Variants in PPDPFL observed in about 807,000 individuals in gnomAD.
The protein encoded by PPDPFL is pancreatic progenitor cell differentiation and proliferation factor-like protein.
In PPDPFL, 12 loss-of-function variants were observed where a neutral mutation model predicts 12.6. The observed-to-expected ratio is 0.95, with a 90% CI of 0.61 to 1.54. The LOEUF (loss-of-function observed/expected upper bound fraction) is 1.54, where lower values mean the gene tolerates loss of function less well. PPDPFL is among the 40% of genes most tolerant of loss of function. PPDPFL has a pLI of 0.00. For synonymous variants in PPDPFL, 24 were observed against 32.7 expected (o/e 0.73, Z 0.91); for missense variants, 114 against 96.0 (o/e 1.19, Z -0.78).
rs1293810239 is a variant in PPDPFL, at chr8:49,059,513, T to G, written c.-45+5144T>G. Among the ~76,000 whole-genome samples the G allele has an allele frequency of 2.0e-5, 3 of 152,360 alleles. No individual in the cohort carries two copies. The South Asian group carries it at 6.2e-4, about 32-fold the overall frequency. On this transcript the variant is annotated intron_variant, in intron 1 of 4. Transcript: ENST00000517663. ...GATGCAAAGGTAGAAGACTGACTTA[T>G]TTTGAGGCAATTCTGTCTTTGGCAA...
upstream of PPDPFL, among the ~76,000 whole-genome samples, chr8:49,072,034 G>C (rs1373524433): frequency 6.6e-6 from 1 of 152,240 alleles, no homozygotes; most frequent in Non-Finnish European, 1.5e-5. Context: ...CAGGTGGAGT[G>C]TGTGATTGTA....
At chr8:49,059,789 C>T (rs577350684) in intron 1 of PPDPFL, among the ~76,000 whole-genome samples, 5 of 152,288 alleles carry the variant, frequency 3.3e-5, no homozygotes, top group African/African-American at 1.2e-4. Flanking sequence ...AACTATCTTA[C>T]TATGTTATAA....
At chr8:49,073,908 G>A (rs1179145655) in intron 2 of PPDPFL, 151 bp from the exon 3 acceptor site, 1 of 613,630 alleles carries the variant, frequency 1.6e-6, no homozygotes, top group Non-Finnish European at 2.9e-6. Flanking sequence ...TCTATTGATT[G>A]GTAATTTGAT....
chr8:49,074,338 G>A lies in PPDPFL; in HGVS notation c.233+5G>A, dbSNP rs1427899507. ...AAAAGATCTGTCTGCTACTGGGTGA[G>A]TTTTAGCCTTCTCTGGTAAGGGCAG... is the stretch of plus-strand genomic sequence containing the variant. On this transcript the variant is annotated splice_donor_5th_base_variant and intron_variant, in intron 4 of 4. Coordinates refer to ENST00000522267, the MANE Select transcript of PPDPFL (RefSeq NM_001256597.2). 1 of 1,612,968 alleles carries A rather than the reference G, an allele frequency of 6.2e-7. No individual in the cohort carries two copies. Among genetic ancestry groups the A allele is most frequent in the Non-Finnish European group, 8.5e-7 (1 of 1,179,072 alleles).
In PPDPFL at chr8:49,062,858, C is replaced by T. The variant is rs185123779; in HGVS notation, c.-45+8489C>T. Among the ~76,000 whole-genome samples the T allele has an allele frequency of 1.8e-4, 27 of 152,298 alleles. No individual in the cohort carries two copies. The East Asian group carries it at 4.8e-3, about 27-fold the overall frequency. On this transcript the variant is annotated intron_variant, in intron 1 of 4. Coordinates refer to the PPDPFL transcript ENST00000517663. ...AGCTAGATCAAAAAATATTCATGATCTCTGGCCTGGTTTCTGGATCTTATT... is the reference window on the plus strand; with the variant it reads ...AGCTAGATCAAAAAATATTCATGATTTCTGGCCTGGTTTCTGGATCTTATT...
upstream of PPDPFL, among the ~76,000 whole-genome samples, chr8:49,071,131 T>C (rs1184967803): frequency 6.6e-6 from 1 of 152,232 alleles, no homozygotes; most frequent in African/African-American, 2.4e-5. Context: ...CTTTTTGTCC[T>C]GTGTCTGGAG....
chr8:49,057,227 T>G (rs1808124519), intron 1 of PPDPFL, among the ~76,000 whole-genome samples: 1 of 152,200 alleles, frequency 6.6e-6, no homozygotes, highest in Admixed American at 6.5e-5. Flanking sequence ...GTGTTTCACT[T>G]TATGATTTCA....
chr8:49,060,505 G>A (rs934708803), intron 1 of PPDPFL, among the ~76,000 whole-genome samples: 20 of 152,006 alleles, frequency 1.3e-4, no homozygotes, highest in African/African-American at 4.8e-4. Context: ...TAGAGACAGG[G>A]TTTCTCCATG....
intron 1 of PPDPFL, among the ~76,000 whole-genome samples, chr8:49,061,819 T>C (rs1334773070): frequency 6.6e-6 from 1 of 152,142 alleles, no homozygotes; most frequent in Admixed American, 6.5e-5. Flanking sequence ...AAGCTCAGAG[T>C]CTGCTTCTCC....
intron 1 of PPDPFL, among the ~76,000 whole-genome samples, chr8:49,060,565 G>A (rs1176296208): frequency 6.6e-6 from 1 of 151,984 alleles, no homozygotes; most frequent in Non-Finnish European, 1.5e-5. Flanking sequence ...TGCCCACCTC[G>A]GCCTCCCAAA....
Position 49,075,468 on chromosome 8 carries a change from TG to T in PPDPFL, c.*296del, listed in dbSNP as rs1808480608. The T allele has an allele frequency of 3.3e-6, 2 of 603,590 alleles. No homozygotes were observed. The highest frequency in any genetic ancestry group is 5.9e-6 in the Non-Finnish European group (2 of 339,644). The allele number at this position is 603,590 out of a possible 1,614,324, so 37.4% of individuals were successfully genotyped here. ...GCTGGAAGTGGCACTTGCTACCTGG[TG>T]CATCTTTGAAAAGTGTGCCTTTAGA... On this transcript the variant is annotated 3_prime_UTR_variant, in exon 5 of 5. Transcript: ENST00000522267.
intron 1 of PPDPFL, among the ~76,000 whole-genome samples, chr8:49,058,212 A>G (rs1436707517): frequency 6.6e-6 from 1 of 152,234 alleles, no homozygotes; most frequent in Non-Finnish European, 1.5e-5. Context: ...TTCAGTCCTA[A>G]TCTTGAGGTT....
intron 4 of PPDPFL, 145 bp downstream of exon 4, chr8:49,074,478 A>T: frequency 6.5e-7 from 1 of 1,540,302 alleles, no homozygotes; most frequent in Non-Finnish European, 8.7e-7. Flanking sequence ...CTGAGGGATG[A>T]GGGTGGCACT....
At chr8:49,068,140 A>G (rs2129245122), upstream of PPDPFL, among the ~76,000 whole-genome samples, 1 of 152,294 alleles carries the variant, frequency 6.6e-6, no homozygotes, top group East Asian at 1.9e-4. Flanking sequence ...TTTAGAACCT[A>G]AACTACCATA....
intron 1 of PPDPFL, among the ~76,000 whole-genome samples, chr8:49,057,070 C>T (rs168187): frequency 0.91 from 137,850 of 152,188 alleles, 62,483 homozygotes; most frequent in Middle Eastern, 0.96. Flanking sequence ...TTGTGTTCTT[C>T]CCTTAATTTT....
chr8:49,064,893 C>G, intron 1 of PPDPFL, among the ~76,000 whole-genome samples: 1 of 152,000 alleles, frequency 6.6e-6, no homozygotes, highest in East Asian at 1.9e-4. Flanking sequence ...AAAATTTAAA[C>G]AAAAAGAATT....
intron 1 of PPDPFL, among the ~76,000 whole-genome samples, chr8:49,064,568 C>A (rs907956173): frequency 5.3e-5 from 8 of 152,074 alleles, no homozygotes; most frequent in South Asian, 2.1e-4. Context: ...CCCCCCAGGA[C>A]AAGCCCACCG....
chr8:49,056,926 A>C (rs1808120048), intron 1 of PPDPFL, among the ~76,000 whole-genome samples: 1 of 152,204 alleles, frequency 6.6e-6, no homozygotes, highest in South Asian at 2.1e-4. Flanking sequence ...CATACCTTGC[A>C]AAATTTTTCA....
In PPDPFL at chr8:49,075,287, TA is replaced by T. The variant is rs752361244; in HGVS notation, c.*115del. ...ATCCTCTGCCTGCTGCAGTGGTCCA[TA>T]CATGAACAGCTCCCCTTCAGCGCCC... On this transcript the variant is annotated 3_prime_UTR_variant, in exon 5 of 5. Transcript: ENST00000522267. The T allele has an allele frequency of 6.2e-6, 10 of 1,611,934 alleles. No homozygotes were observed. The South Asian group carries it at 1.1e-4, about 18-fold the overall frequency.
Sources: gnomAD v4.1 joint callset for allele counts (sites outside exome capture counted in the v4.1 genomes callset) on GRCh38, gnomAD v4.1.1 for gene constraint, MANE v1.5 for transcripts, NCBI Gene and HGNC (gene_info 2026-07-23, HGNC 2026-07-21) for gene names.